The following KCNB2 variants were observed in gnomAD, a reference collection of about 807,000 sequenced individuals.
The protein encoded by KCNB2 is delayed rectifier potassium channel protein.
KCNB2 carries 15 observed loss-of-function variants against 61.5 expected under a neutral mutation model. That is an observed-to-expected ratio of 0.24 (90% CI 0.16 to 0.38). The LOEUF is 0.38. Among genes scored for constraint, KCNB2 ranks in the 10% least tolerant of loss-of-function variants. The probability of loss-of-function intolerance (pLI) is 1.00; values close to 1 mark genes in which losing one functional copy is unlikely to be tolerated. For missense variants in KCNB2, 828 were observed against 1,125.2 expected, an observed-to-expected ratio of 0.74 and a Z score of 3.78; for synonymous variants, 457 against 446.0, an observed-to-expected ratio of 1.02 and a Z score of -0.31.
chr8:72,838,473 G>A (rs1168132282), intron 2 of KCNB2, among the ~76,000 whole-genome samples: 7 of 152,168 alleles, frequency 4.6e-5, no homozygotes, highest in African/African-American at 1.4e-4. Flanking sequence ...AGTATTCCAT[G>A]GTATATATGT....
At chr8:72,631,318 C>T (rs549504565) in intron 2 of KCNB2, among the ~76,000 whole-genome samples, 32 of 152,248 alleles carry the variant, frequency 2.1e-4, no homozygotes, top group Admixed American at 5.2e-4. Context: ...AAGGTGTTGG[C>T]AGGGTTGGTT....
At chr8:72,615,573 C>T (rs1158017811) in intron 2 of KCNB2, among the ~76,000 whole-genome samples, 5 of 152,166 alleles carry the variant, frequency 3.3e-5, no homozygotes, top group Non-Finnish European at 7.3e-5. Context: ...TGGTTGGTCC[C>T]TTGGGCCACA....
At chr8:72,932,687 T>C (rs1340676598) in intron 2 of KCNB2, among the ~76,000 whole-genome samples, 1 of 152,220 alleles carries the variant, frequency 6.6e-6, no homozygotes, top group East Asian at 1.9e-4. Context: ...AGTTAACCAC[T>C]CAGTCAGTGC....
chr8:72,661,090 A>C (rs187222004), intron 2 of KCNB2: 1 of 152,458 alleles, frequency 6.6e-6, no homozygotes, highest in East Asian at 1.9e-4. Flanking sequence ...ATCTCAGCTC[A>C]CTGCAACCTC....
At chr8:72,898,600 C>T (rs1377293089) in intron 2 of KCNB2, among the ~76,000 whole-genome samples, 1 of 152,080 alleles carries the variant, frequency 6.6e-6, no homozygotes, top group Non-Finnish European at 1.5e-5. Context: ...CAGAAGTTTC[C>T]CTTGCTCTTT....
Position 72,730,176 on chromosome 8 carries a change from G to A in KCNB2, c.579+161863G>A, listed in dbSNP as rs144107779. On this transcript the variant is annotated intron_variant, in intron 2 of 2. Transcript: ENST00000523207. ...CATTAGTAGCAAAACTTTCATTGTC[G>A]CCTAGAGGGTGGGGGAGGAGTTGAG... 2.2e-3 allele frequency among the ~76,000 whole-genome samples: 328 copies of A among 152,214 alleles called. 1 individual carries two copies. Among genetic ancestry groups the A allele is most frequent in the African/African-American group, 7.6e-3 (315 of 41,526 alleles).
intron 2 of KCNB2, among the ~76,000 whole-genome samples, chr8:72,873,587 C>T (rs1043610928): frequency 2.0e-5 from 3 of 152,286 alleles, no homozygotes; most frequent in East Asian, 1.9e-4. Context: ...GGGCCTCTGG[C>T]GGGGCCAAGC....
intron 2 of KCNB2, among the ~76,000 whole-genome samples, chr8:72,930,974 A>G (rs137994868): frequency 0.049 from 7,523 of 152,220 alleles, 584 homozygotes; most frequent in African/African-American, 0.17. Context: ...TAACTTTTGT[A>G]TAAGGTGTAA....
intron 2 of KCNB2, among the ~76,000 whole-genome samples, chr8:72,806,355 G>GAAAAAAAAAAAA (rs113106261): frequency 1.0e-5 from 1 of 97,414 alleles, no homozygotes. Flanking sequence ...GAGACTCTAA[G>GAAAAAAAAAAAA]AAAAAAAAAA....
chr8:72,703,753 A>T (rs577742947), intron 2 of KCNB2, among the ~76,000 whole-genome samples: 3 of 152,324 alleles, frequency 2.0e-5, no homozygotes, highest in African/African-American at 7.2e-5. Context: ...AGGTGGCTAA[A>T]ATAAAACCAT....
intron 2 of KCNB2, among the ~76,000 whole-genome samples, chr8:72,713,015 C>G (rs191024039): frequency 5.2e-4 from 79 of 152,328 alleles, no homozygotes; most frequent in African/African-American, 1.8e-3. Flanking sequence ...GAGATTATAT[C>G]CCACACATGG....
At chr8:72,649,983 C>T (rs1279809450) in intron 2 of KCNB2, among the ~76,000 whole-genome samples, 2 of 152,150 alleles carry the variant, frequency 1.3e-5, no homozygotes, top group Non-Finnish European at 2.9e-5. Context: ...GGAAGACCTA[C>T]TAAAGGGAGC....
At chr8:72,586,202 T>C (rs1004960972) in intron 2 of KCNB2, among the ~76,000 whole-genome samples, 3 of 152,204 alleles carry the variant, frequency 2.0e-5, no homozygotes, top group African/African-American at 7.2e-5. Flanking sequence ...TGGAAATCTG[T>C]GAGGCTGGTT....
intron 2 of KCNB2, among the ~76,000 whole-genome samples, chr8:72,676,546 A>C (rs1806656659): frequency 6.7e-6 from 1 of 150,320 alleles, no homozygotes; most frequent in African/African-American, 2.4e-5. Context: ...CTAGATCATA[A>C]CTCCTTAATT....
At chr8:72,684,357 C>A (rs573725022) in intron 2 of KCNB2, among the ~76,000 whole-genome samples, 2 of 152,164 alleles carry the variant, frequency 1.3e-5, no homozygotes, top group African/African-American at 4.8e-5. Flanking sequence ...GATGTGAAAA[C>A]CAGCGAGAGG....
In KCNB2 at chr8:72,728,063, A is replaced by C. The variant is rs147141529; in HGVS notation, c.579+159750A>C. 3.4e-3 allele frequency among the ~76,000 whole-genome samples: 520 copies of C among 152,298 alleles called. 6 individuals are homozygous for C. Among genetic ancestry groups the C allele is most frequent in the Admixed American group, 9.0e-3 (137 of 15,298 alleles). Reference sequence around the variant, plus strand: ...GCAGTCTCCTTGTTGGGTAACTTGTAATTGTCCTGTTACCTGAACCATGTT... The same window carrying C: ...GCAGTCTCCTTGTTGGGTAACTTGTCATTGTCCTGTTACCTGAACCATGTT... On this transcript the variant is annotated intron_variant, in intron 2 of 2. Coordinates refer to ENST00000523207, the MANE Select transcript of KCNB2 (RefSeq NM_004770.3).
intron 2 of KCNB2, among the ~76,000 whole-genome samples, chr8:72,844,738 A>T (rs1188706080): frequency 1.3e-5 from 2 of 152,140 alleles, no homozygotes. Flanking sequence ...TCGGCTATTG[A>T]TGCTTGTGTA....
At chr8:72,620,860 G>C (rs189631202) in intron 2 of KCNB2, among the ~76,000 whole-genome samples, 1 of 152,030 alleles carries the variant, frequency 6.6e-6, no homozygotes, top group Non-Finnish European at 1.5e-5. Flanking sequence ...CACCCGCCTC[G>C]GCCTCCCAAA....
At chr8:72,819,451 G>C (rs192477968) in intron 2 of KCNB2, among the ~76,000 whole-genome samples, 4 of 152,296 alleles carry the variant, frequency 2.6e-5, no homozygotes, top group African/African-American at 9.6e-5. Context: ...GTTCTCATTA[G>C]TGTAGGCTCA....
Sources: gnomAD v4.1 joint callset for allele counts (sites outside exome capture counted in the v4.1 genomes callset) on GRCh38, gnomAD v4.1.1 for gene constraint, MANE v1.5 for transcripts, NCBI Gene and HGNC (gene_info 2026-07-23, HGNC 2026-07-21) for gene names.